The following CSMD2 variants were observed in gnomAD, a reference collection of about 807,000 sequenced individuals.
CSMD2 encodes the protein CUB and Sushi multiple domains 2, also known as CUB and sushi domain-containing protein 2.
CSMD2 carries 130 observed loss-of-function variants against 398.5 expected under a neutral mutation model. The ratio of observed to expected loss-of-function variants is 0.33; its 90% confidence interval spans 0.28 to 0.38. The LOEUF is 0.38. CSMD2 is among the 10% of genes least tolerant of loss of function. The pLI is 1.00. For synonymous variants in CSMD2, 1,828 were observed against 1,908.5 expected, an observed-to-expected ratio of 0.96 and a Z score of 1.10; for missense variants, 3,829 against 4,764.9, an observed-to-expected ratio of 0.80 and a Z score of 5.78.
intron 2 of CSMD2, among the ~76,000 whole-genome samples, chr1:34,061,982 TATCTGTGTATGGG>T (rs911396804): frequency 3.9e-5 from 6 of 152,196 alleles, no homozygotes; most frequent in Non-Finnish European, 8.8e-5. Context: ...AGCCTCTCCA[TATCTGTGTATGGG>T]ATCTGTGTAT....
At chr1:34,129,509 G>A (rs1338034153) in intron 1 of CSMD2, among the ~76,000 whole-genome samples, 5 of 152,076 alleles carry the variant, frequency 3.3e-5, no homozygotes, top group East Asian at 1.9e-4. Context: ...AAAATTAGCC[G>A]GGCATGGTGG....
At chr1:34,012,028 A>G (rs1253132688) in intron 3 of CSMD2, among the ~76,000 whole-genome samples, 1 of 152,178 alleles carries the variant, frequency 6.6e-6, no homozygotes, top group African/African-American at 2.4e-5. Flanking sequence ...GAGTGGCTAG[A>G]AGCCGTTTCC....
intron 13 of CSMD2, among the ~76,000 whole-genome samples, chr1:33,752,894 C>A (rs539488741): frequency 6.6e-6 from 1 of 152,176 alleles, no homozygotes; most frequent in African/African-American, 2.4e-5. Context: ...AGTCCATATC[C>A]TAGGGCTTTT....
intron 44 of CSMD2, among the ~76,000 whole-genome samples, chr1:33,587,848 G>C (rs1053216946): frequency 3.9e-5 from 6 of 152,162 alleles, no homozygotes; most frequent in African/African-American, 1.4e-4. Context: ...TCATAACCTG[G>C]CTTTTATTAC....
chr1:34,017,532 G>A (rs190741228), intron 3 of CSMD2, among the ~76,000 whole-genome samples: 1 of 152,290 alleles, frequency 6.6e-6, no homozygotes, highest in East Asian at 1.9e-4. Context: ...TGAGATGGAA[G>A]GATCATTTGA....
chr1:33,923,803 A>G (rs1468367685), intron 4 of CSMD2, among the ~76,000 whole-genome samples: 1 of 152,186 alleles, frequency 6.6e-6, no homozygotes, highest in South Asian at 2.1e-4. Context: ...CCTGGGCTGC[A>G]CAGCAGGAGG....
chr1:33,613,016 C>T (rs1216241535), intron 40 of CSMD2, among the ~76,000 whole-genome samples: 3 of 152,204 alleles, frequency 2.0e-5, no homozygotes, highest in Admixed American at 6.5e-5. Flanking sequence ...TTAAGGATGG[C>T]GGAATTTCTG....
chr1:33,580,622 G>T, intron 48 of CSMD2, 131 bp downstream of exon 48: 1 of 854,304 alleles, frequency 1.2e-6, no homozygotes, highest in Non-Finnish European at 1.8e-6. Context: ...TAGGAGGTAG[G>T]GGAATGGCAA....
At chr1:34,144,025 T>C (rs1639543324) in intron 1 of CSMD2, among the ~76,000 whole-genome samples, 1 of 152,178 alleles carries the variant, frequency 6.6e-6, no homozygotes, top group African/African-American at 2.4e-5. Flanking sequence ...AACAATTTAT[T>C]TTCTTATTTA....
intron 3 of CSMD2, among the ~76,000 whole-genome samples, chr1:34,015,464 T>C (rs1160627160): frequency 6.6e-6 from 1 of 152,166 alleles, no homozygotes. Flanking sequence ...GGAGACTAGC[T>C]AGGTGAGAGG....
intron 2 of CSMD2, 85 bp downstream of exon 2, chr1:34,088,892 C>CT: frequency 8.6e-7 from 1 of 1,156,420 alleles, no homozygotes; most frequent in Non-Finnish European, 1.3e-6. Context: ...TGACCATAAA[C>CT]TTTTCACTCG....
At chr1:33,913,468 C>G (rs1643567521) in intron 5 of CSMD2, among the ~76,000 whole-genome samples, 1 of 152,192 alleles carries the variant, frequency 6.6e-6, no homozygotes, top group South Asian at 2.1e-4. Flanking sequence ...GTTGCTCCAT[C>G]TTACTCTTTT....
At chr1:34,095,545 CAAATAGACGCAATAAAAAATGATAA>C (rs1425124777) in intron 1 of CSMD2, among the ~76,000 whole-genome samples, 23 of 152,022 alleles carry the variant, frequency 1.5e-4, no homozygotes, top group African/African-American at 5.3e-4. Flanking sequence ...AGAGAAGAGT[CAAATAGACGCAATAAAAAATGATAA>C]AGGGGATATC....
chr1:33,629,030 A>G (rs1415657036), intron 32 of CSMD2, among the ~76,000 whole-genome samples: 7 of 151,716 alleles, frequency 4.6e-5, no homozygotes, highest in African/African-American at 1.5e-4. Flanking sequence ...TCATATATGC[A>G]TGGTACAGAA....
At chr1:33,820,692 C>G (rs540642846) in intron 7 of CSMD2, 136 bp from the exon 8 acceptor site, 5 of 646,514 alleles carry the variant, frequency 7.7e-6, no homozygotes, top group Non-Finnish European at 1.3e-5. Context: ...TTTGTTGGGG[C>G]TGTGTGGGGT....
intron 21 of CSMD2, 121 bp downstream of exon 21, chr1:33,714,466 G>A (rs1309335488): frequency 1.5e-5 from 17 of 1,160,574 alleles, no homozygotes; most frequent in South Asian, 7.1e-5. Context: ...CTGCAGGTAA[G>A]TGTGGTAAGT....
upstream of CSMD2, chr1:34,165,835 T>C (rs1251428811): frequency 1.3e-6 from 2 of 1,520,078 alleles, no homozygotes; most frequent in Non-Finnish European, 1.8e-6. Context: ...TCCTACCCCA[T>C]CCCAGGAGAG....
chr1:33,661,640 A>G (rs1571130590), intron 26 of CSMD2, among the ~76,000 whole-genome samples: 1 of 152,242 alleles, frequency 6.6e-6, no homozygotes, highest in East Asian at 1.9e-4. Flanking sequence ...GGAAAATGCT[A>G]GACTAGAAGC....
chr1:34,125,806 T>C (rs1180996554), intron 1 of CSMD2, among the ~76,000 whole-genome samples: 3 of 152,138 alleles, frequency 2.0e-5, no homozygotes, highest in South Asian at 2.1e-4. Context: ...CACTGTCTTC[T>C]GGAAGGAATT....
Sources: gnomAD v4.1 joint callset for allele counts (sites outside exome capture counted in the v4.1 genomes callset) on GRCh38, gnomAD v4.1.1 for gene constraint, MANE v1.5 for transcripts, NCBI Gene and HGNC (gene_info 2026-07-23, HGNC 2026-07-21) for gene names.